The following NXPH1 variants were observed in gnomAD, a reference collection of about 807,000 sequenced individuals.
The protein encoded by NXPH1 is neurexophilin 1.
A neutral mutation model predicts 23.7 loss-of-function variants in NXPH1; 5 were observed. The observed-to-expected ratio is 0.21, with a 90% CI of 0.11 to 0.44. The LOEUF is 0.44. NXPH1 is among the 20% of genes least tolerant of loss of function. NXPH1 has a pLI of 0.99. For missense variants in NXPH1, 324 were observed against 321.6 expected (o/e 1.01, Z -0.06); for synonymous variants, 144 against 122.2 (o/e 1.18, Z -1.18).
chr7:8,481,186 C>A (rs1012669475), intron 2 of NXPH1, among the ~76,000 whole-genome samples: 12 of 152,144 alleles, frequency 7.9e-5, no homozygotes, highest in African/African-American at 2.9e-4. Flanking sequence ...GATGATTATA[C>A]TGGTCAACTC....
At chr7:8,448,676 G>T (rs947478945) in intron 2 of NXPH1, among the ~76,000 whole-genome samples, 3 of 152,118 alleles carry the variant, frequency 2.0e-5, no homozygotes, top group African/African-American at 7.2e-5. Flanking sequence ...AACGAGCCGG[G>T]TGTGGCGGCA....
chr7:8,593,039 A>T (rs192888824), intron 2 of NXPH1, among the ~76,000 whole-genome samples: 2 of 152,088 alleles, frequency 1.3e-5, no homozygotes, highest in Admixed American at 6.6e-5. Flanking sequence ...GGTAGATTCC[A>T]AGGTCCATTT....
At chr7:8,563,996 A>G (rs1818496272) in intron 2 of NXPH1, among the ~76,000 whole-genome samples, 1 of 151,860 alleles carries the variant, frequency 6.6e-6, no homozygotes, top group African/African-American at 2.4e-5. Context: ...AATAGGGTAG[A>G]ATATATGCAA....
chr7:8,463,204 C>T (rs1816723563), intron 2 of NXPH1, among the ~76,000 whole-genome samples: 1 of 152,030 alleles, frequency 6.6e-6, no homozygotes, highest in African/African-American at 2.4e-5. Flanking sequence ...TCCTTTAAAA[C>T]ACAAATTGAG....
intron 2 of NXPH1, among the ~76,000 whole-genome samples, chr7:8,620,873 C>A (rs1562430651): frequency 6.6e-6 from 1 of 152,184 alleles, no homozygotes; most frequent in Non-Finnish European, 1.5e-5. Context: ...TTGATCTGAT[C>A]TCTTCCAGGT....
At chr7:8,647,752 C>T (rs538191996) in intron 2 of NXPH1, among the ~76,000 whole-genome samples, 69 of 149,524 alleles carry the variant, frequency 4.6e-4, no homozygotes, top group African/African-American at 1.7e-3. Flanking sequence ...GGTTTTTAAT[C>T]ACTGATTCAA....
At position 8,557,559 on chromosome 7, in the gene NXPH1, G is replaced by A. The variant is rs894281927; in HGVS notation, c.54+121792G>A. On this transcript the variant is annotated intron_variant, in intron 2 of 2. Transcript: ENST00000405863. Reference sequence around the variant, plus strand: ...TTGTAGACTAGAGCTAATGTCAACCGCCTTTAAGGGTTTTGATGACAGAAT... The same window carrying A: ...TTGTAGACTAGAGCTAATGTCAACCACCTTTAAGGGTTTTGATGACAGAAT... Among the ~76,000 whole-genome samples the A allele has an allele frequency of 6.6e-5, 10 of 151,632 alleles. No individual in the cohort carries two copies. In the South Asian group the frequency reaches 8.3e-4, roughly 13 times the overall value.
intron 2 of NXPH1, among the ~76,000 whole-genome samples, chr7:8,438,309 A>G (rs1174123671): frequency 6.6e-6 from 1 of 152,250 alleles, no homozygotes; most frequent in Non-Finnish European, 1.5e-5. Flanking sequence ...TGCACATTGG[A>G]AGATCTTATC....
intron 2 of NXPH1, among the ~76,000 whole-genome samples, chr7:8,574,019 G>A (rs575944740): frequency 1.8e-4 from 28 of 152,162 alleles, no homozygotes; most frequent in Non-Finnish European, 3.5e-4. Flanking sequence ...ATTTATTGAG[G>A]ATTTAAGATG....
chr7:8,635,473 C>T (rs1258049101), intron 2 of NXPH1, among the ~76,000 whole-genome samples: 1 of 152,138 alleles, frequency 6.6e-6, no homozygotes, highest in African/African-American at 2.4e-5. Context: ...TCTGCAAGAT[C>T]TTAGTGATTG....
At chr7:8,730,972 G>T (rs978871462) in intron 2 of NXPH1, among the ~76,000 whole-genome samples, 25 of 147,700 alleles carry the variant, frequency 1.7e-4, no homozygotes, top group African/African-American at 4.3e-4. Flanking sequence ...TCACTTTCAG[G>T]TACACCAATC....
chr7:8,468,693 G>A (rs1250778753), intron 2 of NXPH1, among the ~76,000 whole-genome samples: 1 of 151,998 alleles, frequency 6.6e-6, no homozygotes, highest in Non-Finnish European at 1.5e-5. Flanking sequence ...TTGGGGTTAA[G>A]TTTCTATGTT....
At chr7:8,709,406 G>T (rs1433312191) in intron 2 of NXPH1, among the ~76,000 whole-genome samples, 1 of 152,014 alleles carries the variant, frequency 6.6e-6, no homozygotes, top group African/African-American at 2.4e-5. Flanking sequence ...AAAATAAAGA[G>T]CCTAAATATT....
chr7:8,487,109 T>C (rs574897477), intron 2 of NXPH1, among the ~76,000 whole-genome samples: 1 of 152,298 alleles, frequency 6.6e-6, no homozygotes, highest in South Asian at 2.1e-4. Flanking sequence ...TGAATGAATA[T>C]GTAATCTACT....
chr7:8,614,504 CAT>C (rs975775062), intron 2 of NXPH1, among the ~76,000 whole-genome samples: 5 of 151,636 alleles, frequency 3.3e-5, no homozygotes, highest in Admixed American at 6.6e-5. Context: ...GATATGGATA[CAT>C]ATATATACAT....
At chr7:8,556,892 C>T (rs890235353) in intron 2 of NXPH1, among the ~76,000 whole-genome samples, 1 of 151,490 alleles carries the variant, frequency 6.6e-6, no homozygotes, top group Non-Finnish European at 1.5e-5. Context: ...TTGATTCTCA[C>T]AACTTATGGG....
intron 2 of NXPH1, among the ~76,000 whole-genome samples, chr7:8,663,743 G>A (rs1368924565): frequency 6.6e-6 from 1 of 152,052 alleles, no homozygotes; most frequent in African/African-American, 2.4e-5. Context: ...ATTTAACTGA[G>A]CTGAAAGGAG....
chr7:8,607,316 A>T (rs766246710), intron 2 of NXPH1, among the ~76,000 whole-genome samples: 1 of 152,198 alleles, frequency 6.6e-6, no homozygotes, highest in Admixed American at 6.5e-5. Context: ...CAGTTTAATT[A>T]AGACCAATGA....
At chr7:8,494,928 A>G (rs577089970) in intron 2 of NXPH1, among the ~76,000 whole-genome samples, 2 of 152,144 alleles carry the variant, frequency 1.3e-5, no homozygotes, top group South Asian at 4.1e-4. Flanking sequence ...CTCCCACTAA[A>G]TGCTGTCTCT....
Sources: gnomAD v4.1 joint callset for allele counts (sites outside exome capture counted in the v4.1 genomes callset) on GRCh38, gnomAD v4.1.1 for gene constraint, MANE v1.5 for transcripts, NCBI Gene and HGNC (gene_info 2026-07-23, HGNC 2026-07-21) for gene names.